The following ASPRV1 variants were observed in gnomAD, a reference collection of about 807,000 sequenced individuals.
ASPRV1 encodes the protein retroviral-like aspartic protease 1.
Under a neutral mutation model 11.0 loss-of-function variants are expected in ASPRV1, and 7 were observed. The ratio of observed to expected loss-of-function variants is 0.64; its 90% CI spans 0.36 to 1.20. ASPRV1 has a LOEUF of 1.20. ASPRV1 is among the 50% of genes most tolerant of loss of function. The probability of loss-of-function intolerance (pLI) is 0.02; values close to 1 mark genes in which losing one functional copy is unlikely to be tolerated. For missense variants in ASPRV1, 299 were observed against 320.0 expected (o/e 0.93, Z 0.50); for synonymous variants, 136 against 138.4 (o/e 0.98, Z 0.12).
the ASPRV1 span, among the ~76,000 whole-genome samples, chr2:70,054,938 C>CAT: frequency 1.3e-5 from 2 of 152,084 alleles, no homozygotes; most frequent in African/African-American, 4.8e-5. Flanking sequence ...TACATACATA[C>CAT]ATATATATAC....
the ASPRV1 span, among the ~76,000 whole-genome samples, chr2:70,074,605 A>G: frequency 2.6e-5 from 4 of 151,864 alleles, no homozygotes; most frequent in Non-Finnish European, 5.9e-5. Flanking sequence ...AATAAGGACC[A>G]TAAAACTAAA....
the ASPRV1 span, among the ~76,000 whole-genome samples, chr2:69,987,947 A>G: frequency 6.6e-6 from 1 of 152,104 alleles, no homozygotes; most frequent in Non-Finnish European, 1.5e-5. Flanking sequence ...AAGCACCTAC[A>G]ATGTGCCAGG....
chr2:69,996,939 G>T, the ASPRV1 span: 1 of 306,142 alleles, frequency 3.3e-6, no homozygotes, highest in Non-Finnish European at 6.5e-6. Context: ...CAGATGAGGG[G>T]ACAGTTTATT....
chr2:69,956,588 GGTAATA>G (rs1677946864), downstream of ASPRV1, among the ~76,000 whole-genome samples: 1 of 152,054 alleles, frequency 6.6e-6, no homozygotes, highest in African/African-American at 2.4e-5. Context: ...TTGGTAATTT[GGTAATA>G]TCACAGTGAC....
At chr2:69,971,443 A>G in the ASPRV1 span, among the ~76,000 whole-genome samples, 1 of 152,018 alleles carries the variant, frequency 6.6e-6, no homozygotes, top group Non-Finnish European at 1.5e-5. Flanking sequence ...CAAGGGATCA[A>G]TGTGATTAGA....
Position 69,961,534 on chromosome 2 carries a change from C to G in ASPRV1, c.-98G>C. ...AATCACGCTGGAAAACGGGGCCTCT[C>G]GAAGCAGAGTGGGGATGACTTGCCC... On this transcript the variant is annotated 5_prime_UTR_variant, in exon 1 of 1. Coordinates refer to ENST00000320256, the MANE Select transcript of ASPRV1 (RefSeq NM_152792.4). The G allele has an allele frequency of 1.2e-6, 2 of 1,614,132 alleles. No individual in the cohort carries two copies. Among genetic ancestry groups the G allele is most frequent in the Non-Finnish European group, 1.7e-6 (2 of 1,180,030 alleles).
chr2:69,935,897 C>A, the ASPRV1 span, among the ~76,000 whole-genome samples: 2 of 152,166 alleles, frequency 1.3e-5, no homozygotes, highest in Non-Finnish European at 2.9e-5. Context: ...AGGTGCAAAT[C>A]AACACGTGAC....
the ASPRV1 span, among the ~76,000 whole-genome samples, chr2:70,001,795 G>A: frequency 1.3e-5 from 2 of 152,016 alleles, no homozygotes; most frequent in South Asian, 2.1e-4. Flanking sequence ...ATAAGGATGT[G>A]CACAGAGTCA....
the ASPRV1 span, among the ~76,000 whole-genome samples, chr2:69,950,723 G>A: frequency 6.6e-6 from 1 of 151,894 alleles, no homozygotes; most frequent in Non-Finnish European, 1.5e-5. Flanking sequence ...GGCGCCTGTA[G>A]TCCCAGCTAT....
chr2:70,051,642 C>A, the ASPRV1 span, among the ~76,000 whole-genome samples: 138 of 152,158 alleles, frequency 9.1e-4, no homozygotes, highest in African/African-American at 3.2e-3. Flanking sequence ...CAGTGATGTA[C>A]CAGGAACTGT....
downstream of ASPRV1, among the ~76,000 whole-genome samples, chr2:69,956,926 G>T (rs988881878): frequency 6.6e-6 from 1 of 152,096 alleles, no homozygotes; most frequent in Non-Finnish European, 1.5e-5. Flanking sequence ...AGAATAACTG[G>T]CCAGGCGTCC....
the ASPRV1 span, chr2:69,976,672 T>C: frequency 6.6e-6 from 1 of 152,262 alleles, no homozygotes; most frequent in Non-Finnish European, 1.5e-5. Context: ...AAGAAAGCCC[T>C]TTCTCAGCCT....
the ASPRV1 span, among the ~76,000 whole-genome samples, chr2:70,085,093 T>A: frequency 1.3e-5 from 2 of 152,194 alleles, no homozygotes; most frequent in Non-Finnish European, 2.9e-5. Flanking sequence ...GCTCTGTCAA[T>A]CTCTGCAGAG....
At chr2:69,998,493 G>C in the ASPRV1 span, among the ~76,000 whole-genome samples, 1 of 152,308 alleles carries the variant, frequency 6.6e-6, no homozygotes, top group South Asian at 2.1e-4. Context: ...TGTAATCCCA[G>C]CACTTTGGGA....
At chr2:70,015,501 G>A in the ASPRV1 span, 2 of 152,154 alleles carry the variant, frequency 1.3e-5, no homozygotes, top group Non-Finnish European at 2.9e-5. Flanking sequence ...CAGAGGTTTC[G>A]CAGGGCAACT....
the ASPRV1 span, chr2:69,937,308 G>T: frequency 6.2e-7 from 1 of 1,614,220 alleles, no homozygotes; most frequent in Non-Finnish European, 8.5e-7. Context: ...CACCTGAAGA[G>T]GCAGCTGGAG....
the ASPRV1 span, chr2:70,064,022 C>G: frequency 2.0e-5 from 3 of 152,166 alleles, no homozygotes; most frequent in African/African-American, 7.2e-5. Flanking sequence ...GTTATTCTGC[C>G]CTCAGCTACC....
At chr2:70,066,785 A>C in the ASPRV1 span, among the ~76,000 whole-genome samples, 1 of 151,366 alleles carries the variant, frequency 6.6e-6, no homozygotes, top group Admixed American at 6.6e-5. Flanking sequence ...TTTTTTGTAG[A>C]GACATGGTCT....
the ASPRV1 span, chr2:70,056,109 T>C: frequency 6.6e-6 from 1 of 152,130 alleles, no homozygotes; most frequent in African/African-American, 2.4e-5. Context: ...AAATACCGTA[T>C]AACTCTATTT....
Sources: allele counts gnomAD v4.1 joint callset (sites outside exome capture counted in the v4.1 genomes callset), GRCh38; gene constraint gnomAD v4.1.1; transcripts MANE v1.5; gene names NCBI Gene and HGNC (gene_info 2026-07-23, HGNC 2026-07-21).